The following ZBTB46 variants were observed in gnomAD, a reference collection of about 807,000 sequenced individuals.
ZBTB46 encodes zinc finger and BTB domain containing 46.
A neutral mutation model predicts 44.1 loss-of-function variants in ZBTB46; 8 were observed. The observed-to-expected ratio is 0.18, with a 90% confidence interval of 0.11 to 0.33. The LOEUF is 0.33. Among genes scored for constraint, ZBTB46 ranks in the 10% least tolerant of loss-of-function variants. The probability of loss-of-function intolerance (pLI) is 1.00; values close to 1 mark genes in which losing one functional copy is unlikely to be tolerated. For missense variants in ZBTB46, 651 were observed against 847.7 expected (o/e 0.77, Z 2.88); for synonymous variants, 409 against 382.3 (o/e 1.07, Z -0.81).
At chr20:63,804,044 G>A (rs1601508368) in intron 1 of ZBTB46, among the ~76,000 whole-genome samples, 1 of 152,044 alleles carries the variant, frequency 6.6e-6, no homozygotes, top group Non-Finnish European at 1.5e-5. Context: ...AGCCCAGCAC[G>A]CTTCCCCTTT....
In ZBTB46 at chr20:63,774,852, C is replaced by T. The variant is rs923882005; in HGVS notation, c.1222+826G>A. Among the ~76,000 whole-genome samples the T allele has an allele frequency of 6.6e-5, 10 of 151,924 alleles. No individual in the cohort carries two copies. In the East Asian group the frequency reaches 1.6e-3, roughly 24 times the overall value. On this transcript the variant is annotated intron_variant, in intron 3 of 4. Coordinates refer to ENST00000245663, the MANE Select transcript of ZBTB46 (RefSeq NM_001369741.1). The stretch of plus-strand genomic sequence containing the variant: ...CCGAGTAGCTGGGACTACAGGCGCC[C>T]GCCACCACGCCCGGCTAATTTTTTG...
Position 63,752,736 on chromosome 20 carries a change from T to C in ZBTB46, c.1348A>G (p.Ile450Val), listed in dbSNP as rs774559776. ...CGCCGCGTGAACTTCTTCCCGCAGA[T>C]CTCGCAGGGGTAGGGCCGCTCTCCC... ...HTGERPYPCE[I>V]CGKKFTRREH... The change falls in exon 4 of 5, where the codon ATC becomes GTC. Residue 450 changes from isoleucine to valine, a missense_variant. Transcript: ENST00000245663. This position sits in a 1 kb window ranked among gnomAD's most constrained non-coding sequence, Gnocchi z 5.6. The C allele has an allele frequency of 2.5e-6, 4 of 1,609,978 alleles. No homozygotes were observed. Among genetic ancestry groups the C allele is most frequent in the Non-Finnish European group, 3.4e-6 (4 of 1,178,136 alleles).
chr20:63,780,186 G>A (rs536087416), intron 2 of ZBTB46, among the ~76,000 whole-genome samples: 18 of 151,606 alleles, frequency 1.2e-4, no homozygotes, highest in East Asian at 9.8e-4. Context: ...CAGGAAAATC[G>A]CTTGAACCAG....
At chr20:63,781,223 G>T (rs952341796) in intron 2 of ZBTB46, among the ~76,000 whole-genome samples, 2 of 151,470 alleles carry the variant, frequency 1.3e-5, no homozygotes, top group Non-Finnish European at 2.9e-5. Flanking sequence ...ACTTGATGAA[G>T]GACTTGGAAC....
At chr20:63,829,515 GAGA>G (rs760543851) in intron 1 of ZBTB46, among the ~76,000 whole-genome samples, 25 of 152,232 alleles carry the variant, frequency 1.6e-4, no homozygotes, top group Non-Finnish European at 2.9e-4. Context: ...TTCAGTTACG[GAGA>G]AGATGTCTAG....
chr20:63,757,679 AT>A (rs2092233333), intron 3 of ZBTB46, among the ~76,000 whole-genome samples: 4 of 152,082 alleles, frequency 2.6e-5, no homozygotes. Flanking sequence ...CCTGGCTTTT[AT>A]TTCCAGGTTT....
intron 3 of ZBTB46, among the ~76,000 whole-genome samples, chr20:63,763,523 C>T (rs945918081): frequency 6.6e-6 from 1 of 152,094 alleles, no homozygotes; most frequent in Non-Finnish European, 1.5e-5. Context: ...AGGAGCAAGA[C>T]GGAGGGTCAT....
rs1380955373 is a variant in ZBTB46, at chr20:63,775,793, G to A, written c.1107C>T (p.Asn369=). The A allele has an allele frequency of 2.5e-6, 4 of 1,613,296 alleles. No homozygotes were observed. Among genetic ancestry groups the A allele is most frequent in the Non-Finnish European group, 3.4e-6 (4 of 1,179,972 alleles). Residue 369 remains asparagine, a synonymous_variant, in exon 3 of 5, where the codon AAC becomes AAT. Transcript: ENST00000245663. The part of the protein sequence containing the change: ...DALHQATAVA[N]LRAALMSKNS... ...TCTTACTCATGAGCGCCGCGCGCAGGTTGGCCACCGCGGTGGCCTGATGCA... is the reference window on the plus strand; with the variant it reads ...TCTTACTCATGAGCGCCGCGCGCAGATTGGCCACCGCGGTGGCCTGATGCA...
upstream of ZBTB46, chr20:63,831,323 G>GCGGACC (rs2092850797): frequency 1.4e-5 from 2 of 138,008 alleles, no homozygotes; most frequent in African/African-American, 5.2e-5. Context: ...CGCCCCGCCC[G>GCGGACC]CGGACCCTGA....
At chr20:63,766,883 A>G (rs2092324902) in intron 3 of ZBTB46, among the ~76,000 whole-genome samples, 1 of 152,066 alleles carries the variant, frequency 6.6e-6, no homozygotes, top group Non-Finnish European at 1.5e-5. Context: ...CTGGCCTGGG[A>G]GCGGGCTCCC....
intron 3 of ZBTB46, among the ~76,000 whole-genome samples, chr20:63,753,984 C>T (rs559419164): frequency 1.3e-5 from 2 of 152,332 alleles, no homozygotes; most frequent in East Asian, 1.9e-4. Context: ...TCTACTGAGG[C>T]TCTGGGGGCT....
chr20:63,763,635 C>A (rs993129050), intron 3 of ZBTB46, among the ~76,000 whole-genome samples: 3 of 152,184 alleles, frequency 2.0e-5, no homozygotes, highest in Admixed American at 6.5e-5. Flanking sequence ...TGGAAGGTCC[C>A]ACCAGGCACC....
At chr20:63,781,746 C>T (rs1034839782) in intron 2 of ZBTB46, among the ~76,000 whole-genome samples, 6 of 149,216 alleles carry the variant, frequency 4.0e-5, no homozygotes, top group Non-Finnish European at 5.9e-5. Context: ...GAGCCAAGAT[C>T]GTGCCATTGC....
Position 63,746,700 on chromosome 20 carries a change from C to T in ZBTB46, c.*230G>A, listed in dbSNP as rs1341984890. The T allele has an allele frequency of 3.2e-6, 2 of 618,170 alleles. No homozygotes were observed. The highest frequency in any genetic ancestry group is 3.6e-5 in the Admixed American group (1 of 28,156). 38.3% of individuals were successfully genotyped at this position (618,170 alleles called of 1,614,324 possible). On this transcript the variant is annotated 3_prime_UTR_variant, in exon 5 of 5. Coordinates refer to ENST00000245663, the MANE Select transcript of ZBTB46 (RefSeq NM_001369741.1). ...CGTGCTCTCCCTTCACTCAAACCCA[C>T]CCTGTGCCCTCCCCCAACTCACTTC...
intron 3 of ZBTB46, among the ~76,000 whole-genome samples, chr20:63,766,598 TA>T (rs1261917071): frequency 2.0e-5 from 3 of 151,232 alleles, no homozygotes; most frequent in Non-Finnish European, 4.4e-5. Context: ...GGCATTTGCA[TA>T]AAGAGGCGTC....
At chr20:63,828,016 C>T (rs908922899) in intron 1 of ZBTB46, among the ~76,000 whole-genome samples, 2 of 152,264 alleles carry the variant, frequency 1.3e-5, no homozygotes, top group Non-Finnish European at 2.9e-5. Flanking sequence ...AAACTCCTGG[C>T]CTCAAGCGGC....
intron 3 of ZBTB46, among the ~76,000 whole-genome samples, chr20:63,754,711 T>C (rs1171290608): frequency 6.6e-6 from 1 of 152,098 alleles, no homozygotes; most frequent in Non-Finnish European, 1.5e-5. Context: ...ATCATTCTCC[T>C]GCCTCAGCCT....
chr20:63,750,746 C>T (rs1195398513), intron 4 of ZBTB46, among the ~76,000 whole-genome samples: 2 of 151,938 alleles, frequency 1.3e-5, no homozygotes, highest in Non-Finnish European at 2.9e-5. Context: ...CACCACAAAA[C>T]GCAAAAATTA....
intron 3 of ZBTB46, among the ~76,000 whole-genome samples, chr20:63,774,983 G>A (rs898123176): frequency 1.4e-4 from 22 of 152,156 alleles, no homozygotes; most frequent in African/African-American, 5.1e-4. Context: ...GATTGCAGGC[G>A]TGAGCCACCG....
Sources: gnomAD v4.1 joint callset for allele counts (sites outside exome capture counted in the v4.1 genomes callset) on GRCh38, gnomAD v4.1.1 for gene constraint, Gnocchi (gnomAD v3.1) non-coding constraint, MANE v1.5 for transcripts, NCBI Gene and HGNC (gene_info 2026-07-23, HGNC 2026-07-21) for gene names.